The following GRHL2 variants were observed in gnomAD, a reference collection of about 807,000 sequenced individuals.
GRHL2 encodes the protein grainyhead like transcription factor 2, also known as grainyhead-like protein 2 homolog.
Under a neutral mutation model 83.8 loss-of-function variants are expected in GRHL2, and 21 were observed. The observed-to-expected ratio is 0.25, with a 90% CI of 0.18 to 0.36. The LOEUF (loss-of-function observed/expected upper bound fraction) is 0.36, where lower values mean the gene tolerates loss of function less well. GRHL2 is among the 10% of genes least tolerant of loss of function. The pLI is 1.00. For synonymous variants in GRHL2, 280 were observed against 278.9 expected (o/e 1.00, Z -0.04); for missense variants, 623 against 781.8 (o/e 0.80, Z 2.42).
chr8:101,634,438 C>T (rs990118411), intron 11 of GRHL2, among the ~76,000 whole-genome samples: 2 of 152,092 alleles, frequency 1.3e-5, no homozygotes, highest in Admixed American at 6.6e-5. Flanking sequence ...AGAGGCAGTG[C>T]CATGGCCTTA....
intron 13 of GRHL2, among the ~76,000 whole-genome samples, chr8:101,646,931 G>A (rs1813522204): frequency 6.6e-6 from 1 of 152,204 alleles, no homozygotes; most frequent in African/African-American, 2.4e-5. Flanking sequence ...GGGAACGGTG[G>A]AGCTGCCCTG....
chr8:101,671,881 A>G (rs1252488340), downstream of GRHL2, among the ~76,000 whole-genome samples: 5 of 152,142 alleles, frequency 3.3e-5, no homozygotes, highest in Non-Finnish European at 5.9e-5. Flanking sequence ...CAGTTCACCA[A>G]TATCGACTGT....
At chr8:101,519,736 G>T (rs993796185) in intron 1 of GRHL2, among the ~76,000 whole-genome samples, 1 of 151,858 alleles carries the variant, frequency 6.6e-6, no homozygotes, top group Non-Finnish European at 1.5e-5. Flanking sequence ...ACATATGTAC[G>T]TATATATGAA....
At chr8:101,497,935 G>T (rs973323720) in intron 1 of GRHL2, among the ~76,000 whole-genome samples, 2 of 152,064 alleles carry the variant, frequency 1.3e-5, no homozygotes, top group African/African-American at 4.8e-5. Flanking sequence ...TTGCTGAACT[G>T]CTGCTTCTGG....
At chr8:101,637,902 G>T (rs1477214919) in intron 12 of GRHL2, among the ~76,000 whole-genome samples, 1 of 152,162 alleles carries the variant, frequency 6.6e-6, no homozygotes, top group Non-Finnish European at 1.5e-5. Flanking sequence ...GTAAAATACA[G>T]TTTTACTTCT....
rs5893569 is a variant in GRHL2 at position 101,542,555 on chromosome 8, GAA to G, written c.21-673_21-672del. On this transcript the variant is annotated intron_variant, in intron 1 of 15. Transcript: ENST00000646743. ...ACAACAAGAGTGAAACTCCGTCTCAGAAAAAAAAAAAAAAGAATAAATAAATA... is the reference window on the plus strand; with the variant it reads ...ACAACAAGAGTGAAACTCCGTCTCAGAAAAAAAAAAAAGAATAAATAAATA... Among the ~76,000 whole-genome samples, 185 of 141,672 alleles carry G rather than the reference GAA, an allele frequency of 1.3e-3. 1 individual carries two copies. Among genetic ancestry groups the G allele is most frequent in the African/African-American group, 1.6e-3 (59 of 37,834 alleles). 92.9% of individuals were successfully genotyped at this position (141,672 alleles called of 152,430 possible).
At chr8:101,606,476 G>T (rs1812637053) in intron 8 of GRHL2, among the ~76,000 whole-genome samples, 1 of 152,210 alleles carries the variant, frequency 6.6e-6, no homozygotes, top group African/African-American at 2.4e-5. Context: ...AAACAGGGAT[G>T]TGCTAAGATG....
At chr8:101,636,685 G>T in intron 11 of GRHL2, 2 of 569,702 alleles carry the variant, frequency 3.5e-6, no homozygotes, top group South Asian at 4.6e-5. Flanking sequence ...TTAACCCCAT[G>T]GAGATTATAA....
chr8:101,633,729 A>T (rs1034289058), intron 11 of GRHL2, among the ~76,000 whole-genome samples: 35 of 149,466 alleles, frequency 2.3e-4, no homozygotes, highest in Admixed American at 2.3e-3. Flanking sequence ...GCCAGTACCT[A>T]TTTTTTTTTT....
chr8:101,599,112 T>C lies in GRHL2; in HGVS notation c.1059T>C (p.Asn353=), dbSNP rs756351767. The C allele has an allele frequency of 3.1e-6, 5 of 1,613,512 alleles. No individual in the cohort carries two copies. The highest frequency in any genetic ancestry group is 1.3e-5 in the African/African-American group (1 of 74,938). Reference sequence around the variant, plus strand: ...GAAACATTGAAGAGATTGCATATAATGCTGTTTCCTTTACCTGGGACGTGA... The same window carrying C: ...GAAACATTGAAGAGATTGCATATAACGCTGTTTCCTTTACCTGGGACGTGA... The part of the protein sequence containing the change: ...TIGNIEEIAY[N]AVSFTWDVNE... The change falls in exon 8 of 16, where the codon AAT becomes AAC. Residue 353 remains asparagine, a synonymous_variant. Transcript: ENST00000646743.
intron 14 of GRHL2, among the ~76,000 whole-genome samples, chr8:101,660,091 A>G (rs1813886470): frequency 6.6e-6 from 1 of 152,248 alleles, no homozygotes; most frequent in East Asian, 1.9e-4. Flanking sequence ...AAGGTTTTCA[A>G]GTGAATCTCC....
intron 9 of GRHL2, among the ~76,000 whole-genome samples, chr8:101,628,739 G>GGAGTTTGGAAGAAGTTGATTCCA: frequency 6.6e-6 from 1 of 152,172 alleles, no homozygotes; most frequent in African/African-American, 2.4e-5. Flanking sequence ...AAAATTAACA[G>GGAGTTTGGAAGAAGTTGATTCCA]GAGTTTGGAA....
At chr8:101,494,635 TTTAA>T (rs1376750376) in intron 1 of GRHL2, among the ~76,000 whole-genome samples, 1 of 152,216 alleles carries the variant, frequency 6.6e-6, no homozygotes, top group Non-Finnish European at 1.5e-5. Flanking sequence ...GCAAATCTAA[TTTAA>T]TTAATCGCGC....
intron 8 of GRHL2, among the ~76,000 whole-genome samples, chr8:101,609,093 G>A (rs1356757654): frequency 6.7e-6 from 1 of 150,328 alleles, no homozygotes; most frequent in African/African-American, 2.5e-5. Flanking sequence ...AGAATTGGAG[G>A]GTGGGCAAAA....
chr8:101,598,772 C>G (rs1812451200), intron 7 of GRHL2, among the ~76,000 whole-genome samples: 1 of 151,786 alleles, frequency 6.6e-6, no homozygotes, highest in Non-Finnish European at 1.5e-5. Flanking sequence ...AAAAAGAAAA[C>G]CTTAATAATC....
intron 1 of GRHL2, among the ~76,000 whole-genome samples, chr8:101,517,778 T>C (rs1469116008): frequency 6.6e-6 from 1 of 152,236 alleles, no homozygotes; most frequent in Non-Finnish European, 1.5e-5. Flanking sequence ...TAAGCAGCTA[T>C]AGTTCCTAGA....
chr8:101,610,237 A>G (rs977435385), intron 8 of GRHL2, among the ~76,000 whole-genome samples: 3 of 151,094 alleles, frequency 2.0e-5, no homozygotes, highest in Non-Finnish European at 4.4e-5. Context: ...ATGTTTTCAA[A>G]TCAATTCTCC....
downstream of GRHL2, among the ~76,000 whole-genome samples, chr8:101,671,886 G>T (rs4734578): frequency 6.6e-5 from 10 of 151,778 alleles, no homozygotes; most frequent in South Asian, 1.0e-3. Flanking sequence ...CACCAATATC[G>T]ACTGTTCTAC....
intron 1 of GRHL2, among the ~76,000 whole-genome samples, chr8:101,537,182 G>C (rs182962244): frequency 6.6e-6 from 1 of 152,188 alleles, no homozygotes; most frequent in African/African-American, 2.4e-5. Context: ...TCTATTGATG[G>C]GCATTTAGGT....
Sources: allele counts gnomAD v4.1 joint callset (sites outside exome capture counted in the v4.1 genomes callset), GRCh38; gene constraint gnomAD v4.1.1; transcripts MANE v1.5; gene names NCBI Gene and HGNC (gene_info 2026-07-23, HGNC 2026-07-21).